The following TBC1D15 variants were observed in gnomAD, a reference collection of about 807,000 sequenced individuals.
TBC1D15 encodes the protein GAP for RAB7.
In TBC1D15, 39 loss-of-function variants were observed where a neutral mutation model predicts 95.4. That is an observed-to-expected ratio of 0.41 (90% CI 0.32 to 0.53). TBC1D15 has a LOEUF of 0.53. Ranked by LOEUF, TBC1D15 falls within the 20% of genes least tolerant of loss-of-function variation. The pLI is 0.29. For synonymous variants in TBC1D15, 258 were observed against 261.3 expected (o/e 0.99, Z 0.12); for missense variants, 733 against 794.3 (o/e 0.92, Z 0.93).
intron 11 of TBC1D15, among the ~76,000 whole-genome samples, chr12:71,909,402 G>A (rs1435226893): frequency 6.6e-6 from 1 of 152,148 alleles, no homozygotes; most frequent in African/African-American, 2.4e-5. Flanking sequence ...TCAGTAGGGA[G>A]GAGTGAGACA....
rs1374586017 is a variant in TBC1D15 at position 71,913,827 on chromosome 12, A to C, written c.1302A>C (p.Gly434=). 2.6e-6 allele frequency: 4 copies of C among 1,562,160 alleles called. No homozygotes were observed. The highest frequency in any genetic ancestry group is 3.4e-6 in the Non-Finnish European group (4 of 1,161,476). The part of the protein sequence containing the change: ...MTYCMYDFDL[G]YVQGMSDLLS... ...GATGATTTTTTCTTTTCTTTTTAGG[A>C]TATGTTCAAGGAATGAGTGATTTAC... Residue 434 remains glycine, a splice_region_variant and synonymous_variant, in exon 12 of 17, where the codon GGA becomes GGC. Coordinates refer to ENST00000485960, the MANE Select transcript of TBC1D15 (RefSeq NM_001146213.3).
intron 5 of TBC1D15, among the ~76,000 whole-genome samples, chr12:71,889,029 A>T (rs1458828831): frequency 6.6e-6 from 1 of 152,156 alleles, no homozygotes; most frequent in Non-Finnish European, 1.5e-5. Flanking sequence ...ATATTAGGAT[A>T]ATATGTAAGT....
intron 1 of TBC1D15, among the ~76,000 whole-genome samples, chr12:71,861,729 G>T (rs902671003): frequency 1.5e-4 from 22 of 148,060 alleles, no homozygotes; most frequent in Admixed American, 1.0e-3. Context: ...CTATTCACTT[G>T]TATTTGGTTT....
intron 5 of TBC1D15, among the ~76,000 whole-genome samples, chr12:71,888,421 A>G (rs1896642480): frequency 6.6e-6 from 1 of 151,686 alleles, no homozygotes; most frequent in African/African-American, 2.4e-5. Context: ...AGCTGAGATC[A>G]TGTCATTGCA....
chr12:71,913,872 G>T lies in TBC1D15; in HGVS notation c.1347G>T (p.Val449=). 6.3e-7 allele frequency: 1 copy of T among 1,594,302 alleles called. No homozygotes were observed. ...ATTTACTTTCCCCTCTTTTATATGT[G>T]ATGGAAAATGAAGTGGATGCCTTTT... ...MSDLLSPLLY[V]MENEVDAFWC... The change falls in exon 12 of 17, where the codon GTG becomes GTT. Residue 449 remains valine (V), a synonymous_variant. Transcript: ENST00000485960.
At chr12:71,865,671 C>T (rs1891332879) in intron 1 of TBC1D15, among the ~76,000 whole-genome samples, 1 of 151,836 alleles carries the variant, frequency 6.6e-6, no homozygotes, top group Non-Finnish European at 1.5e-5. Context: ...GAGTGCTAAT[C>T]CAGCTCCAGG....
chr12:71,855,600 A>G (rs1362445587), intron 1 of TBC1D15, among the ~76,000 whole-genome samples: 12 of 147,208 alleles, frequency 8.2e-5, no homozygotes, highest in East Asian at 2.1e-4. Context: ...CCCGGGAGGC[A>G]GAGCTTGCAG....
At chr12:71,896,299 T>TGGGTA in intron 8 of TBC1D15, 1 of 443,728 alleles carries the variant, frequency 2.3e-6, no homozygotes. Context: ...TCCTGGGGGT[T>TGGGTA]GGGTAGACCC....
chr12:71,903,407 A>G (rs1396472727), intron 10 of TBC1D15, among the ~76,000 whole-genome samples: 2 of 152,222 alleles, frequency 1.3e-5, no homozygotes, highest in Non-Finnish European at 2.9e-5. Flanking sequence ...GAATGCTTAT[A>G]CAGTGCTGGT....
chr12:71,853,448 A>T (rs1262301404), intron 1 of TBC1D15, among the ~76,000 whole-genome samples: 1 of 152,228 alleles, frequency 6.6e-6, no homozygotes, highest in Non-Finnish European at 1.5e-5. Flanking sequence ...GGCGTGAGCC[A>T]CTGCACCTGG....
At chr12:71,867,072 T>C (rs935849591) in intron 1 of TBC1D15, among the ~76,000 whole-genome samples, 2 of 152,226 alleles carry the variant, frequency 1.3e-5, no homozygotes, top group African/African-American at 4.8e-5. Context: ...CAAGATGATA[T>C]GAAAAGGGTT....
intron 5 of TBC1D15, among the ~76,000 whole-genome samples, 167 bp downstream of exon 5, chr12:71,885,188 T>C (rs1378751165): frequency 1.3e-5 from 2 of 152,210 alleles, no homozygotes; most frequent in Non-Finnish European, 2.9e-5. Context: ...GACTGAATAA[T>C]ATTGTGTTAT....
chr12:71,866,174 G>C (rs12303743), intron 1 of TBC1D15, among the ~76,000 whole-genome samples: 16,655 of 152,086 alleles, frequency 0.11, 1,080 homozygotes, highest in African/African-American at 0.16. Flanking sequence ...TGGTTCGGTG[G>C]TTGCTTAGTC....
intron 5 of TBC1D15, among the ~76,000 whole-genome samples, chr12:71,886,489 T>C (rs556555907): frequency 6.6e-6 from 1 of 152,334 alleles, no homozygotes; most frequent in African/African-American, 2.4e-5. Flanking sequence ...ATTTATAATG[T>C]CCTCACTTTA....
rs1293934828 is a variant in TBC1D15, at chr12:71,918,783, C to T, written c.1599+235C>T. On this transcript the variant is annotated intron_variant, in intron 14 of 16. Transcript: ENST00000485960. ...TGTGAGATTTGGGGCCAAGAGGTAT[C>T]CCAGAACAAGTGCTCTAGACCATTT... 2.0e-5 allele frequency among the ~76,000 whole-genome samples: 3 copies of T among 152,120 alleles called. No individual in the cohort carries two copies. The East Asian group carries it at 5.8e-4, about 29-fold the overall frequency.
In TBC1D15 at chr12:71,917,647, A is replaced by G. The variant is rs754540709; in HGVS notation, c.1402-51A>G. On this transcript the variant is annotated intron_variant, in intron 12 of 16. Coordinates refer to ENST00000485960, the MANE Select transcript of TBC1D15 (RefSeq NM_001146213.3). ...ATGTTTTAGTTATCAGTCATTATGT[A>G]CTATAAAATATTTATTAAATATTAC... 7.2e-5 allele frequency: 86 copies of G among 1,195,426 alleles called. No individual in the cohort carries two copies. The South Asian group carries it at 1.0e-3, about 14-fold the overall frequency. The allele number at this position is 1,195,426 out of a possible 1,614,324, so 74.1% of individuals were successfully genotyped here.
At position 71,839,801 on chromosome 12, in the gene TBC1D15, T is replaced by G. The variant is rs893208532; in HGVS notation, c.20T>G (p.Val7Gly). The change falls in exon 1 of 17, where the codon GTG (valine) becomes GGG (glycine). Residue 7 changes from valine to glycine, a missense_variant. Transcript: ENST00000485960. ...GGAAACATGGCGGCGGCGGGTGTTG[T>G]GAGCGGGAAGGTAGGTAACGGCCTC... is the stretch of plus-strand genomic sequence containing the variant. The part of the protein sequence containing the change: MAAAGV[V>G]SGKIIYEQEG... The G allele has an allele frequency of 6.2e-7, 1 of 1,614,048 alleles. No homozygotes were observed. Among genetic ancestry groups the G allele is most frequent in the African/African-American group, 1.3e-5 (1 of 74,938 alleles).
chr12:71,875,259 T>C (rs904256154), intron 3 of TBC1D15, among the ~76,000 whole-genome samples: 12 of 152,198 alleles, frequency 7.9e-5, no homozygotes, highest in African/African-American at 2.9e-4. Flanking sequence ...AAGAATTCTT[T>C]ATATATTCTG....
chr12:71,904,490 T>G (rs1230157092), intron 10 of TBC1D15, among the ~76,000 whole-genome samples: 1 of 152,126 alleles, frequency 6.6e-6, no homozygotes, highest in Non-Finnish European at 1.5e-5. Context: ...AATGTAAGGT[T>G]GAATACTATG....
Sources: allele counts gnomAD v4.1 joint callset (sites outside exome capture counted in the v4.1 genomes callset), GRCh38; gene constraint gnomAD v4.1.1; transcripts MANE v1.5; gene names NCBI Gene and HGNC (gene_info 2026-07-23, HGNC 2026-07-21).